NPC2: variants seen among roughly 807,000 people sequenced by gnomAD.
NPC2 encodes Niemann-Pick disease type C2 protein.
NPC2 carries 14 observed loss-of-function variants against 17.0 expected under a neutral mutation model. The observed-to-expected ratio is 0.82, with a 90% CI of 0.54 to 1.29. The LOEUF is 1.29. Among genes scored for constraint, NPC2 ranks in the 50% most tolerant of loss-of-function variants. NPC2 has a pLI of 0.00. For synonymous variants in NPC2, 75 were observed against 69.3 expected, an observed-to-expected ratio of 1.08 and a Z score of -0.41; for missense variants, 167 against 183.4, an observed-to-expected ratio of 0.91 and a Z score of 0.52.
rs372657046 is a variant in NPC2, at chr14:74,492,569, A to G, written c.82+624T>C. Among the ~76,000 whole-genome samples, 24 of 152,300 alleles carry G rather than the reference A, an allele frequency of 1.6e-4. No individual in the cohort carries two copies. The South Asian group carries it at 3.7e-3, about 24-fold the overall frequency. ...TCTATAGACTCGACTCAATGAAGGCACTCAGAATTTCTACCACCTGTTGTA... is the reference window on the plus strand; with the variant it reads ...TCTATAGACTCGACTCAATGAAGGCGCTCAGAATTTCTACCACCTGTTGTA... On this transcript the variant is annotated intron_variant, in intron 1 of 4. Coordinates refer to ENST00000555619, the MANE Select transcript of NPC2 (RefSeq NM_006432.5).
intron 1 of NPC2, among the ~76,000 whole-genome samples, chr14:74,487,138 A>G (rs548729991): frequency 3.5e-4 from 51 of 146,780 alleles, no homozygotes; most frequent in African/African-American, 1.2e-3. Context: ...TTTAGTAGAG[A>G]CAGGGTTTCA....
At chr14:74,483,865 T>C (rs2086680368) in intron 3 of NPC2, among the ~76,000 whole-genome samples, 1 of 152,236 alleles carries the variant, frequency 6.6e-6, no homozygotes, top group Admixed American at 6.5e-5. Context: ...CACTAAAAAG[T>C]TGAACCATCA....
rs769465438 is a variant in NPC2, at chr14:74,480,182, G to A, written c.*92C>T. The A allele has an allele frequency of 1.9e-6, 3 of 1,613,040 alleles. No individual in the cohort carries two copies. In the African/African-American group the frequency reaches 4.0e-5, roughly 22 times the overall value. On this transcript the variant is annotated 3_prime_UTR_variant, in exon 5 of 5. Coordinates refer to ENST00000555619, the MANE Select transcript of NPC2 (RefSeq NM_006432.5). ...ACGAATCACTGGATACCATTGGAGA[G>A]CAAGTCACTGTTGTTGAAGCAGCAG... is the stretch of plus-strand genomic sequence containing the variant.
At chr14:74,488,192 G>A (rs2086732958) in intron 1 of NPC2, among the ~76,000 whole-genome samples, 1 of 152,140 alleles carries the variant, frequency 6.6e-6, no homozygotes, top group African/African-American at 2.4e-5. Context: ...TTCTATCGTA[G>A]AGGTTCAACC....
chr14:74,488,460 AATCCC>A (rs2086736336), intron 1 of NPC2, among the ~76,000 whole-genome samples: 2 of 152,222 alleles, frequency 1.3e-5, no homozygotes, highest in Non-Finnish European at 2.9e-5. Context: ...TCATGCCTAT[AATCCC>A]AGCACTTTGG....
intron 1 of NPC2, among the ~76,000 whole-genome samples, chr14:74,491,501 T>A (rs1453212964): frequency 6.6e-6 from 1 of 152,344 alleles, no homozygotes; most frequent in East Asian, 1.9e-4. Context: ...GAATAGCATT[T>A]AAGTGTTAAT....
intron 1 of NPC2, among the ~76,000 whole-genome samples, chr14:74,486,844 C>G (rs1307086452): frequency 6.6e-6 from 1 of 152,162 alleles, no homozygotes; most frequent in Non-Finnish European, 1.5e-5. Flanking sequence ...ACCTTGAAGA[C>G]GTTTGCTTCA....
intron 1 of NPC2, among the ~76,000 whole-genome samples, chr14:74,486,991 C>A (rs1206954933): frequency 6.9e-6 from 1 of 145,508 alleles, no homozygotes; most frequent in African/African-American, 2.6e-5. Context: ...CTTGCTCTGT[C>A]ACCAGGTTGG....
rs1208707592 is a variant in NPC2, at chr14:74,487,263, G to GT, written c.83-828_83-827insA. ...TGCACCCTCCCTGTTTTGTTTTTGT[G>GT]GTTTTTTTTTGTTTTTTTTTTTTGA... On this transcript the variant is annotated intron_variant, in intron 1 of 4. Transcript: ENST00000555619. Among the ~76,000 whole-genome samples, 564 of 134,970 alleles carry GT rather than the reference G, an allele frequency of 4.2e-3. 9 individuals are homozygous for GT. Among genetic ancestry groups the GT allele is most frequent in the African/African-American group, 0.013 (459 of 34,882 alleles). The allele number at this position is 134,970 out of a possible 152,430, so 88.5% of individuals were successfully genotyped here.
rs373945093 is a variant in NPC2, at chr14:74,493,089, C to A, written c.82+104G>T. 4.9e-5 allele frequency: 70 copies of A among 1,440,026 alleles called. 1 individual carries two copies. In the East Asian group the frequency reaches 1.6e-3, roughly 33 times the overall value. 89.2% of individuals were successfully genotyped at this position (1,440,026 alleles called of 1,614,324 possible). The stretch of plus-strand genomic sequence containing the variant: ...AGGTAGGGTCCAAGGCTCAGCCTGG[C>A]CGCCCGAGGGATCCGCCCAGCCCAG... On this transcript the variant is annotated intron_variant, in intron 1 of 4. Transcript: ENST00000555619. This position sits in a 1 kb window ranked among gnomAD's most constrained non-coding sequence, Gnocchi z 4.1.
chr14:74,484,263 C>T (rs1337553353), intron 3 of NPC2, 152 bp downstream of exon 3: 5 of 798,632 alleles, frequency 6.3e-6, no homozygotes, highest in Middle Eastern at 3.5e-4. Context: ...CCTCCTGATG[C>T]CTAACACCGC....
At chr14:74,482,875 C>A in intron 3 of NPC2, 1 of 433,136 alleles carries the variant, frequency 2.3e-6, no homozygotes, top group Non-Finnish European at 4.3e-6. Flanking sequence ...GAAGCAGGAG[C>A]CGCAGCTGGG....
At chr14:74,481,874 TGTCACTA>T (rs2086659419) in intron 3 of NPC2, among the ~76,000 whole-genome samples, 1 of 152,232 alleles carries the variant, frequency 6.6e-6, no homozygotes, top group South Asian at 2.1e-4. Flanking sequence ...TTAGCTTACT[TGTCACTA>T]GTTACTACCT....
chr14:74,480,439 A>G, intron 4 of NPC2, 151 bp from the exon 5 acceptor site: 1 of 795,400 alleles, frequency 1.3e-6, no homozygotes, highest in Non-Finnish European at 2.2e-6. Context: ...ACAGAAAAAA[A>G]CCAATGAAGA....
At position 74,484,445 on chromosome 14, in the gene NPC2, AT is replaced by A. The variant is rs80358265; in HGVS notation, c.332del (p.Asn111IlefsTer5). On this transcript the variant is annotated frameshift_variant, in exon 3 of 5. Transcript: ENST00000555619. LOFTEE classifies it high-confidence loss of function. Reference protein sequence around the residue: ...IQKDKTYSYLNKLPVKSEYPS... With the variant: ...IQKDKTYSYLXKLPVKSEYPS... ...GATATTCGCTTTTCACTGGTAGTTTATTCAGGTAGCTATAGGTCTTGTCTTT... is the reference window on the plus strand; with the variant it reads ...GATATTCGCTTTTCACTGGTAGTTTATCAGGTAGCTATAGGTCTTGTCTTT... 4 of 1,613,958 alleles carry A rather than the reference AT, an allele frequency of 2.5e-6. No homozygotes were observed. Among genetic ancestry groups the A allele is most frequent in the Non-Finnish European group, 3.4e-6 (4 of 1,180,020 alleles).
At chr14:74,488,584 C>T (rs574941171) in intron 1 of NPC2, among the ~76,000 whole-genome samples, 2 of 152,154 alleles carry the variant, frequency 1.3e-5, no homozygotes, top group African/African-American at 4.8e-5. Context: ...TATGGTGGTG[C>T]TCACCTGTAA....
chr14:74,491,980 G>A (rs914518309), intron 1 of NPC2, among the ~76,000 whole-genome samples: 1 of 152,124 alleles, frequency 6.6e-6, no homozygotes, highest in African/African-American at 2.4e-5. Flanking sequence ...AATTGCTCCT[G>A]GTAATGATAT....
chr14:74,490,773 A>C (rs2086763041), intron 1 of NPC2, among the ~76,000 whole-genome samples: 1 of 152,240 alleles, frequency 6.6e-6, no homozygotes, highest in South Asian at 2.1e-4. Context: ...GAACACAAAA[A>C]TCTTTGATGT....
chr14:74,485,316 A>AAG (rs1461095672), intron 2 of NPC2, among the ~76,000 whole-genome samples: 1 of 148,988 alleles, frequency 6.7e-6, no homozygotes, highest in East Asian at 2.0e-4. Flanking sequence ...AAAAAAAAAA[A>AAG]AAAAAAAAGA....
Sources: gnomAD v4.1 joint callset for allele counts (sites outside exome capture counted in the v4.1 genomes callset) on GRCh38, gnomAD v4.1.1 for gene constraint, Gnocchi (gnomAD v3.1) non-coding constraint, MANE v1.5 for transcripts, NCBI Gene and HGNC (gene_info 2026-07-23, HGNC 2026-07-21) for gene names.